Variants in ANTXR1 observed in about 807,000 individuals in gnomAD.
The protein encoded by ANTXR1 is ANTXR cell adhesion molecule 1.
Under a neutral mutation model 78.1 loss-of-function variants are expected in ANTXR1, and 19 were observed. The ratio of observed to expected loss-of-function variants is 0.24; its 90% CI spans 0.17 to 0.36. The LOEUF (loss-of-function observed/expected upper bound fraction) is 0.36. Among genes scored for constraint, ANTXR1 ranks in the 10% least tolerant of loss-of-function variants. The pLI is 1.00. For synonymous variants in ANTXR1, 273 were observed against 260.5 expected (o/e 1.05, Z -0.46); for missense variants, 518 against 718.6 (o/e 0.72, Z 3.19).
At chr2:69,025,076 T>C (rs1357059001) in intron 1 of ANTXR1, among the ~76,000 whole-genome samples, 1 of 152,150 alleles carries the variant, frequency 6.6e-6, no homozygotes, top group East Asian at 1.9e-4. Context: ...CTGTACTGCA[T>C]AGTTCCCCAA....
chr2:69,153,552 A>G (rs1198270639), intron 13 of ANTXR1, among the ~76,000 whole-genome samples: 1 of 152,162 alleles, frequency 6.6e-6, no homozygotes, highest in African/African-American at 2.4e-5. Flanking sequence ...TTTTAAACAG[A>G]TTCTTACCAG....
chr2:69,085,216 C>T (rs1017872640), intron 8 of ANTXR1, among the ~76,000 whole-genome samples: 10 of 152,110 alleles, frequency 6.6e-5, no homozygotes, highest in Admixed American at 1.3e-4. Context: ...ATGTTTGTGG[C>T]GCTTCTGTGG....
chr2:69,240,823 G>C (rs1195003725), intron 17 of ANTXR1, among the ~76,000 whole-genome samples: 2 of 151,316 alleles, frequency 1.3e-5, no homozygotes, highest in Non-Finnish European at 2.9e-5. Context: ...TTTTTTTTCT[G>C]TACAATGAAA....
intron 17 of ANTXR1, among the ~76,000 whole-genome samples, chr2:69,199,672 C>T (rs1281125391): frequency 6.6e-6 from 1 of 152,124 alleles, no homozygotes; most frequent in Non-Finnish European, 1.5e-5. Flanking sequence ...CCTAAAGGTT[C>T]TGTTTAATTG....
At chr2:69,082,317 C>G in intron 8 of ANTXR1, among the ~76,000 whole-genome samples, 1 of 152,186 alleles carries the variant, frequency 6.6e-6, no homozygotes, top group East Asian at 1.9e-4. Context: ...GCACAGGACT[C>G]TACCTCTGAG....
At chr2:69,194,282 C>T (rs1674612257) in intron 17 of ANTXR1, among the ~76,000 whole-genome samples, 1 of 152,174 alleles carries the variant, frequency 6.6e-6, no homozygotes, top group Admixed American at 6.5e-5. Flanking sequence ...ACCAAGTTTT[C>T]CCTCAACTAC....
intron 9 of ANTXR1, among the ~76,000 whole-genome samples, chr2:69,092,659 T>C (rs4527238): frequency 0.41 from 61,920 of 151,978 alleles, 12,974 homozygotes; most frequent in Admixed American, 0.5. Context: ...TCGGTGAGAA[T>C]CTCTTTAAGA....
At chr2:69,243,311 A>G (rs1317986670) in intron 17 of ANTXR1, among the ~76,000 whole-genome samples, 1 of 152,224 alleles carries the variant, frequency 6.6e-6, no homozygotes, top group Non-Finnish European at 1.5e-5. Flanking sequence ...GCAGCAAAGC[A>G]CAAAACAAGG....
intron 1 of ANTXR1, among the ~76,000 whole-genome samples, chr2:69,027,222 A>G (rs538133918): frequency 6.8e-4 from 103 of 152,282 alleles, no homozygotes; most frequent in African/African-American, 2.3e-3. Context: ...AGAGATGCCT[A>G]TGAAAACCAG....
intron 3 of ANTXR1, among the ~76,000 whole-genome samples, chr2:69,068,150 TC>T (rs1670457872): frequency 6.6e-6 from 1 of 152,008 alleles, no homozygotes; most frequent in African/African-American, 2.4e-5. Context: ...ACTCACCCCT[TC>T]AGTAAGTATT....
chr2:69,159,330 T>C (rs528018069), intron 13 of ANTXR1, among the ~76,000 whole-genome samples: 10 of 152,164 alleles, frequency 6.6e-5, no homozygotes, highest in Non-Finnish European at 5.9e-5. Flanking sequence ...CCCAACACTT[T>C]GGAAGAGCCG....
intron 10 of ANTXR1, among the ~76,000 whole-genome samples, chr2:69,110,885 C>T (rs1671961316): frequency 6.6e-6 from 1 of 152,188 alleles, no homozygotes; most frequent in Non-Finnish European, 1.5e-5. Context: ...CAAAACAATA[C>T]ACTGACACTA....
At chr2:69,195,775 T>G (rs11693256) in intron 17 of ANTXR1, among the ~76,000 whole-genome samples, 1,547 of 152,252 alleles carry the variant, frequency 0.01, 10 homozygotes, top group Non-Finnish European at 0.016. Flanking sequence ...GAGAAAAAAA[T>G]AATAATAAGA....
At chr2:69,144,265 G>A (rs1673155266) in intron 12 of ANTXR1, among the ~76,000 whole-genome samples, 1 of 152,202 alleles carries the variant, frequency 6.6e-6, no homozygotes, top group Non-Finnish European at 1.5e-5. Flanking sequence ...TGGCTGATGT[G>A]CCTCTCCCTC....
intron 12 of ANTXR1, chr2:69,145,396 C>G: frequency 1.3e-6 from 2 of 1,586,060 alleles, no homozygotes; most frequent in Non-Finnish European, 1.7e-6. Flanking sequence ...CCGCCTGCTC[C>G]CTCCGGACAG....
intron 1 of ANTXR1, among the ~76,000 whole-genome samples, chr2:69,027,769 C>T (rs548606593): frequency 2.5e-4 from 38 of 150,152 alleles, no homozygotes; most frequent in Non-Finnish European, 5.2e-4. Context: ...AAACAAAATT[C>T]CTGAGGTGGA....
At chr2:69,170,550 G>A (rs1243309891) in intron 14 of ANTXR1, among the ~76,000 whole-genome samples, 1 of 152,160 alleles carries the variant, frequency 6.6e-6, no homozygotes, top group East Asian at 1.9e-4. Context: ...AATGTGAGAT[G>A]GAAATAAATG....
At chr2:69,194,235 G>A (rs1255562176) in intron 17 of ANTXR1, among the ~76,000 whole-genome samples, 1 of 152,220 alleles carries the variant, frequency 6.6e-6, no homozygotes, top group Non-Finnish European at 1.5e-5. Context: ...GTAAGAGCTA[G>A]TCTCTCTTCC....
intron 12 of ANTXR1, among the ~76,000 whole-genome samples, chr2:69,129,633 C>A (rs1672659610): frequency 1.3e-5 from 2 of 152,008 alleles, no homozygotes; most frequent in South Asian, 4.2e-4. Flanking sequence ...CACCTGTAAT[C>A]CCAGCTACTC....
Sources: allele counts gnomAD v4.1 joint callset (sites outside exome capture counted in the v4.1 genomes callset), GRCh38; gene constraint gnomAD v4.1.1; transcripts MANE v1.5; gene names NCBI Gene and HGNC (gene_info 2026-07-23, HGNC 2026-07-21).